The following RBFOX1 variants were observed in gnomAD, a reference collection of about 807,000 sequenced individuals.
RBFOX1 encodes RNA binding protein fox-1 homolog 1.
A neutral mutation model predicts 57.7 loss-of-function variants in RBFOX1; 8 were observed. The observed-to-expected ratio is 0.14, with a 90% CI of 0.08 to 0.25. The LOEUF (loss-of-function observed/expected upper bound fraction) is 0.25. Among genes scored for constraint, RBFOX1 ranks in the 10% least tolerant of loss-of-function variants. The pLI is 1.00. For missense variants in RBFOX1, 611 were observed against 548.5 expected, an observed-to-expected ratio of 1.11 and a Z score of -1.14; for synonymous variants, 326 against 222.4, an observed-to-expected ratio of 1.47 and a Z score of -4.15.
At chr16:7,709,158 A>G in intron 15 of RBFOX1, 27 bp downstream of exon 15, 6 of 1,577,670 alleles carry the variant, frequency 3.8e-6, no homozygotes, top group Non-Finnish European at 5.2e-6. Context: ...CCTTGTCCTC[A>G]CTTCCTCCTG....
intron 4 of RBFOX1, among the ~76,000 whole-genome samples, chr16:7,412,077 G>T (rs890648058): frequency 6.6e-6 from 1 of 152,046 alleles, no homozygotes; most frequent in Admixed American, 6.6e-5. Flanking sequence ...GTAGTTAATC[G>T]TGATGTATTC....
intron 2 of RBFOX1, among the ~76,000 whole-genome samples, chr16:5,470,452 T>G (rs986731118): frequency 1.3e-5 from 2 of 152,216 alleles, no homozygotes; most frequent in Admixed American, 6.5e-5. Context: ...ATAGGTTGTT[T>G]AACCCAGATA....
At position 7,250,587 on chromosome 16, in the gene RBFOX1, C is replaced by A. The variant is rs140405111; in HGVS notation, c.27+198489C>A. On this transcript the variant is annotated intron_variant, in intron 4 of 15. Transcript: ENST00000550418. ...TGAAGGCAAAGACTAAGAGTATATA[C>A]CCCAGGGACGGGGATCATAACTATG... Among the ~76,000 whole-genome samples, 1,122 of 152,294 alleles carry A rather than the reference C, an allele frequency of 7.4e-3. 6 individuals are homozygous for A. Among genetic ancestry groups the A allele is most frequent in the South Asian group, 0.033 (158 of 4,820 alleles).
At chr16:5,550,911 T>G (rs2045436220) in intron 2 of RBFOX1, among the ~76,000 whole-genome samples, 1 of 152,108 alleles carries the variant, frequency 6.6e-6, no homozygotes, top group African/African-American at 2.4e-5. Context: ...AAATGGTATA[T>G]CCACATACAG....
chr16:7,542,737 C>T (rs1212322986), intron 5 of RBFOX1, among the ~76,000 whole-genome samples: 3 of 145,918 alleles, frequency 2.1e-5, no homozygotes, highest in Non-Finnish European at 3.0e-5. Flanking sequence ...CATGGTGGCA[C>T]GCACCTGTAA....
At chr16:6,450,801 G>GTA (rs1186562440) in intron 2 of RBFOX1, among the ~76,000 whole-genome samples, 1,083 of 16,432 alleles carry the variant, frequency 0.066, 82 homozygotes, top group Admixed American at 0.1. Context: ...ATATATATAT[G>GTA]TATATATATA....
At chr16:5,878,261 C>T (rs1235184278) in intron 4 of RBFOX1, among the ~76,000 whole-genome samples, 1 of 152,120 alleles carries the variant, frequency 6.6e-6, no homozygotes, top group Admixed American at 6.6e-5. Flanking sequence ...ATAGCGGCAG[C>T]AGTGAGAACA....
chr16:6,410,711 C>G (rs2093432706), intron 2 of RBFOX1, among the ~76,000 whole-genome samples: 1 of 152,182 alleles, frequency 6.6e-6, no homozygotes, highest in Admixed American at 6.5e-5. Context: ...TCACGTGTGT[C>G]TATCCAAGAG....
chr16:5,662,034 C>A (rs936437763), intron 3 of RBFOX1, among the ~76,000 whole-genome samples: 4 of 152,130 alleles, frequency 2.6e-5, no homozygotes, highest in Non-Finnish European at 5.9e-5. Context: ...AATCCACTCA[C>A]CTCGGCCTCC....
chr16:5,435,301 C>T (rs1013735918), intron 1 of RBFOX1, among the ~76,000 whole-genome samples: 2 of 152,124 alleles, frequency 1.3e-5, no homozygotes, highest in Non-Finnish European at 2.9e-5. Context: ...GCATGTGGAT[C>T]TGTTTCCCCA....
At chr16:5,657,780 T>C (rs1347298019) in intron 3 of RBFOX1, among the ~76,000 whole-genome samples, 1 of 147,308 alleles carries the variant, frequency 6.8e-6, no homozygotes, top group Non-Finnish European at 1.5e-5. Flanking sequence ...TCACCCAGGT[T>C]GGAGTACAGT....
At chr16:7,112,692 C>G (rs565847548) in intron 4 of RBFOX1, among the ~76,000 whole-genome samples, 77,315 of 140,160 alleles carry the variant, frequency 0.55, 20,949 homozygotes, top group South Asian at 0.71. Context: ...GTGGGTGTGT[C>G]TCTCTGTCTG....
chr16:5,342,085 C>T (rs2065045183), intron 1 of RBFOX1, among the ~76,000 whole-genome samples: 2 of 152,190 alleles, frequency 1.3e-5, no homozygotes, highest in South Asian at 2.1e-4. Context: ...ATTTTTATTT[C>T]AGAGTTTGCG....
intron 3 of RBFOX1, among the ~76,000 whole-genome samples, chr16:6,996,625 G>C (rs1347691412): frequency 2.6e-5 from 4 of 152,256 alleles, no homozygotes; most frequent in Admixed American, 2.6e-4. Context: ...TTAACCAATG[G>C]GGACAGTGAC....
Position 6,250,444 on chromosome 16 carries a change from G to A in RBFOX1, c.-126-66551G>A, listed in dbSNP as rs114390353. Among the ~76,000 whole-genome samples the A allele has an allele frequency of 8.5e-3, 1,290 of 152,276 alleles. 23 individuals are homozygous for A. Among genetic ancestry groups the A allele is most frequent in the African/African-American group, 0.03 (1,226 of 41,552 alleles). On this transcript the variant is annotated intron_variant, in intron 1 of 15. Coordinates refer to ENST00000550418, the MANE Select transcript of RBFOX1 (RefSeq NM_018723.4). ...GATTCTAGATTATCTTTATGTCAAA[G>A]AAAATGAGCAATGCTATGGACCTTG...
chr16:6,396,174 G>C (rs2092826894), intron 2 of RBFOX1, among the ~76,000 whole-genome samples: 1 of 151,074 alleles, frequency 6.6e-6, no homozygotes, highest in Non-Finnish European at 1.5e-5. Context: ...ATAAATTCTA[G>C]ATAGGATAGT....
chr16:5,703,532 T>A (rs1319075303), intron 3 of RBFOX1, among the ~76,000 whole-genome samples: 1 of 152,186 alleles, frequency 6.6e-6, no homozygotes, highest in Non-Finnish European at 1.5e-5. Flanking sequence ...TGGTCTCAAT[T>A]CTTTGAGCCA....
chr16:7,023,875 G>A (rs369407024), intron 3 of RBFOX1, among the ~76,000 whole-genome samples: 4 of 152,060 alleles, frequency 2.6e-5, no homozygotes, highest in East Asian at 3.9e-4. Flanking sequence ...ATTTCCCACA[G>A]GATCAAAGTA....
intron 3 of RBFOX1, among the ~76,000 whole-genome samples, chr16:6,870,955 C>T (rs2060760521): frequency 6.6e-6 from 1 of 152,150 alleles, no homozygotes. Flanking sequence ...TGTCCATATT[C>T]CTGTAGACCT....
Sources: allele counts gnomAD v4.1 joint callset (sites outside exome capture counted in the v4.1 genomes callset), GRCh38; gene constraint gnomAD v4.1.1; transcripts MANE v1.5; gene names NCBI Gene and HGNC (gene_info 2026-07-23, HGNC 2026-07-21).